The following SMC2 variants were observed in gnomAD, a reference collection of about 807,000 sequenced individuals.
The protein encoded by SMC2 is structural maintenance of chromosomes protein 2.
Under a neutral mutation model 142.6 loss-of-function variants are expected in SMC2, and 41 were observed. The ratio of observed to expected loss-of-function variants is 0.29; its 90% CI spans 0.22 to 0.37. The LOEUF (loss-of-function observed/expected upper bound fraction) is 0.37. Ranked by LOEUF, SMC2 falls within the 10% of genes least tolerant of loss-of-function variation. SMC2 has a pLI of 1.00. For missense variants in SMC2, 1,265 were observed against 1,373.7 expected, an observed-to-expected ratio of 0.92 and a Z score of 1.25; for synonymous variants, 463 against 457.5, an observed-to-expected ratio of 1.01 and a Z score of -0.15.
At chr9:104,109,285 T>C (rs1832159408) in intron 9 of SMC2, among the ~76,000 whole-genome samples, 4 of 152,348 alleles carry the variant, frequency 2.6e-5, no homozygotes, top group Middle Eastern at 6.8e-3. Flanking sequence ...ACTATTTACC[T>C]AATTGTTGAG....
chr9:104,091,980 G>A (rs557909723), upstream of SMC2: 2 of 152,178 alleles, frequency 1.3e-5, no homozygotes, highest in African/African-American at 4.8e-5. Context: ...GATGAAGCAA[G>A]AACAGTGTTT....
In SMC2 at chr9:104,127,394, C is replaced by G. The variant is rs754989973; in HGVS notation, c.2704C>G (p.Gln902Glu). 5 of 1,613,436 alleles carry G rather than the reference C, an allele frequency of 3.1e-6. No homozygotes were observed. The highest frequency in any genetic ancestry group is 4.2e-6 in the Non-Finnish European group (5 of 1,179,636). The change falls in exon 20 of 25, where the codon CAA (glutamine) becomes GAA (glutamate). Residue 902 changes from glutamine (Q) to glutamate (E), a missense_variant. By Grantham distance (29) the Gln-to-Glu change is conservative. Coordinates refer to ENST00000374793, the MANE Select transcript of SMC2 (RefSeq NM_006444.3). ...TGCAGAAGTGGCAAAACACAAGGAG[C>G]AAAACAATGATTCTCAGCTTAAAAT... ...KYAEVAKHKEQNNDSQLKIKE... is the reference protein window; with the variant it reads ...KYAEVAKHKEENNDSQLKIKE...
At chr9:104,131,341 C>A (rs1210663630) in intron 21 of SMC2, among the ~76,000 whole-genome samples, 1 of 152,062 alleles carries the variant, frequency 6.6e-6, no homozygotes, top group African/African-American at 2.4e-5. Context: ...ATGGCCAGAA[C>A]CTGGGGAGGA....
intron 3 of SMC2, among the ~76,000 whole-genome samples, chr9:104,097,673 C>T (rs1830612524): frequency 6.6e-6 from 1 of 152,120 alleles, no homozygotes; most frequent in African/African-American, 2.4e-5. Flanking sequence ...CTTGTATCTT[C>T]ACCAAAATTA....
chr9:104,132,405 A>G (rs1317322233), intron 22 of SMC2, among the ~76,000 whole-genome samples: 2 of 152,116 alleles, frequency 1.3e-5, no homozygotes, highest in East Asian at 3.8e-4. Flanking sequence ...TCCCAATTCC[A>G]TTTTGTTTTA....
chr9:104,127,516 A>G, intron 20 of SMC2, 36 bp downstream of exon 20: 1 of 1,437,380 alleles, frequency 7.0e-7, no homozygotes, highest in Non-Finnish European at 9.2e-7. Flanking sequence ...ACTAAATCAA[A>G]TTTTTGTTAC....
chr9:104,094,638 G>C (rs1830246745), intron 1 of SMC2, 161 bp downstream of exon 1: 1 of 375,072 alleles, frequency 2.7e-6, no homozygotes, highest in Admixed American at 4.5e-5. Flanking sequence ...GCTTCTGTTC[G>C]ACCTTGGAGT....
At chr9:104,133,023 A>G (rs769059879) in intron 22 of SMC2, among the ~76,000 whole-genome samples, 5 of 152,114 alleles carry the variant, frequency 3.3e-5, no homozygotes, top group Non-Finnish European at 5.9e-5. Context: ...AATCTTCACA[A>G]TAATCTAACA....
chr9:104,121,684 T>C (rs1019280108), intron 16 of SMC2, among the ~76,000 whole-genome samples: 1 of 152,222 alleles, frequency 6.6e-6, no homozygotes, highest in Admixed American at 6.5e-5. Flanking sequence ...TCTGTAGTTA[T>C]GAAAGCTTAA....
chr9:104,092,002 C>T (rs1484347952), upstream of SMC2: 1 of 152,196 alleles, frequency 6.6e-6, no homozygotes, highest in Non-Finnish European at 1.5e-5. Context: ...CTGTACACTG[C>T]ATCTACCCTA....
chr9:104,116,289 A>C lies in SMC2; in HGVS notation c.1761A>C (p.Ala587=). 1.2e-6 allele frequency: 2 copies of C among 1,608,434 alleles called. No homozygotes were observed. Among genetic ancestry groups the C allele is most frequent in the Non-Finnish European group, 1.7e-6 (2 of 1,178,120 alleles). The change falls in exon 14 of 25, where the codon GCA becomes GCC. Residue 587 remains alanine (A), a synonymous_variant. Transcript: ENST00000374793. ...PLNKISARCI[A]PETLRVAQNL... The stretch of plus-strand genomic sequence containing the variant: ...ATAAAATTTCAGCCAGATGTATTGC[A>C]CCAGAAACTCTGAGAGTTGCTCAGA...
chr9:104,112,571 C>T (rs1832592810), intron 10 of SMC2, among the ~76,000 whole-genome samples: 1 of 152,072 alleles, frequency 6.6e-6, no homozygotes, highest in South Asian at 2.1e-4. Context: ...TCAGGCATGA[C>T]AGATGATAGT....
intron 20 of SMC2, 92 bp from the exon 21 acceptor site, chr9:104,129,553 G>T: frequency 2.0e-6 from 2 of 976,624 alleles, no homozygotes; most frequent in Non-Finnish European, 1.6e-6. Flanking sequence ...TTCAGTATTT[G>T]ATTCAAAAGT....
rs1392145591 is a variant in SMC2, at chr9:104,132,020, G to A, written c.3003G>A (p.Leu1001=). 9 of 1,509,964 alleles carry A rather than the reference G, an allele frequency of 6.0e-6. No individual in the cohort carries two copies. The highest frequency in any genetic ancestry group is 8.2e-6 in the Non-Finnish European group (9 of 1,096,598). The allele number at this position is 1,509,964 out of a possible 1,614,324, so 93.5% of individuals were successfully genotyped here. A position where few individuals can be genotyped will look rare whatever the true frequency, so the allele number is the denominator to read the frequency against. ...TTTTTATCTCATAGTACAATGACTT[G>A]ATGAAGAAGAAGAGAATTGTAGAAA... is the stretch of plus-strand genomic sequence containing the variant. ...LTEAEERYND[L]MKKKRIVEND... The change falls in exon 22 of 25, where the codon TTG becomes TTA. Residue 1001 remains leucine, a synonymous_variant. Coordinates refer to ENST00000374793, the MANE Select transcript of SMC2 (RefSeq NM_006444.3).
intron 2 of SMC2, among the ~76,000 whole-genome samples, 165 bp downstream of exon 2, chr9:104,095,717 A>G (rs1200999042): frequency 6.6e-6 from 1 of 152,214 alleles, no homozygotes. Flanking sequence ...TTTAGATGAG[A>G]AAATAGAAAC....
In SMC2 at chr9:104,118,405, T is replaced by C. The variant is rs1310683471; in HGVS notation, c.1996+30T>C. The C allele has an allele frequency of 1.9e-6, 3 of 1,563,666 alleles. No individual in the cohort carries two copies. In the South Asian group the frequency reaches 3.4e-5, roughly 18 times the overall value. Reference sequence around the variant, plus strand: ...GTTTTATATCCTTTTCTCCTCACAATTCTTTGTGGTAAATAGGAAGATGCC... The same window carrying C: ...GTTTTATATCCTTTTCTCCTCACAACTCTTTGTGGTAAATAGGAAGATGCC... On this transcript the variant is annotated intron_variant, in intron 15 of 24. Coordinates refer to ENST00000374793, the MANE Select transcript of SMC2 (RefSeq NM_006444.3).
At chr9:104,132,207 A>C (rs902553225) in intron 22 of SMC2, 82 bp downstream of exon 22, 144 of 746,738 alleles carry the variant, frequency 1.9e-4, no homozygotes, top group South Asian at 2.9e-4. Context: ...AGAAATTTGA[A>C]ATAGCTGATC....
chr9:104,093,980 G>C (rs557951176), upstream of SMC2, among the ~76,000 whole-genome samples: 43 of 152,332 alleles, frequency 2.8e-4, no homozygotes, highest in South Asian at 3.1e-3. Flanking sequence ...CCGCAGACTG[G>C]AGAAGGCGGA....
At chr9:104,134,686 G>C (rs559701363) in intron 23 of SMC2, 111 bp downstream of exon 23, 1 of 715,544 alleles carries the variant, frequency 1.4e-6, no homozygotes, top group African/African-American at 1.9e-5. Flanking sequence ...AGAATTTAAG[G>C]AGTCTAATAT....
Sources: allele counts gnomAD v4.1 joint callset (sites outside exome capture counted in the v4.1 genomes callset), GRCh38; gene constraint gnomAD v4.1.1; transcripts MANE v1.5; gene names NCBI Gene and HGNC (gene_info 2026-07-23, HGNC 2026-07-21).